The following THSD7B variants were observed in gnomAD, a reference collection of about 807,000 sequenced individuals.
THSD7B encodes thrombospondin type-1 domain-containing protein 7B.
THSD7B carries 138 observed loss-of-function variants against 213.6 expected under a neutral mutation model. That is an observed-to-expected ratio of 0.65 (90% CI 0.56 to 0.74). The LOEUF (loss-of-function observed/expected upper bound fraction) is 0.74, where lower values mean the gene tolerates loss of function less well. Among genes scored for constraint, THSD7B ranks in the 30% least tolerant of loss-of-function variants. The pLI is 0.00. For synonymous variants in THSD7B, 742 were observed against 687.0 expected (o/e 1.08, Z -1.25); for missense variants, 1,931 against 1,991.5 (o/e 0.97, Z 0.58).
At chr2:136,947,738 C>T (rs1684969343) in intron 2 of THSD7B, among the ~76,000 whole-genome samples, 1 of 152,116 alleles carries the variant, frequency 6.6e-6, no homozygotes, top group South Asian at 2.1e-4. Flanking sequence ...CAGATTAATT[C>T]CTTTAGATTA....
chr2:137,598,885 T>TA (rs200483268), intron 17 of THSD7B, among the ~76,000 whole-genome samples: 8,698 of 151,438 alleles, frequency 0.057, 337 homozygotes, highest in South Asian at 0.16. Context: ...TTCTTTTTTT[T>TA]TTTTATTATT....
In THSD7B at chr2:137,657,123, T is replaced by C; in HGVS notation, c.4338T>C (p.Thr1446=). 6.2e-7 allele frequency: 1 copy of C among 1,613,996 alleles called. No homozygotes were observed. The highest frequency in any genetic ancestry group is 8.5e-7 in the Non-Finnish European group (1 of 1,179,874). The change falls in exon 24 of 28, where the codon ACT becomes ACC. Residue 1446 remains threonine, a synonymous_variant. Coordinates refer to ENST00000409968, the MANE Select transcript of THSD7B (RefSeq NM_001316349.2). ...GTCTTTGGAACAATAACGAACGAAC[T>C]GTATGGTGCCAGCGTTCAGATGGCG... ...KASLWNNNER[T]VWCQRSDGVN...
intron 18 of THSD7B, among the ~76,000 whole-genome samples, chr2:137,617,977 A>G (rs1314816683): frequency 1.3e-5 from 2 of 152,186 alleles, no homozygotes; most frequent in African/African-American, 2.4e-5. Flanking sequence ...ATTTAAATAT[A>G]TGAATTTTGC....
At chr2:137,314,073 G>T (rs1684009109) in intron 12 of THSD7B, among the ~76,000 whole-genome samples, 1 of 152,142 alleles carries the variant, frequency 6.6e-6, no homozygotes, top group Non-Finnish European at 1.5e-5. Flanking sequence ...GATTGGGGAA[G>T]TTCTCCTGGA....
At chr2:137,088,166 G>A (rs774632547) in intron 3 of THSD7B, among the ~76,000 whole-genome samples, 1 of 152,032 alleles carries the variant, frequency 6.6e-6, no homozygotes, top group Non-Finnish European at 1.5e-5. Context: ...CTTGAACCCA[G>A]GAGGTGGAGG....
intron 9 of THSD7B, among the ~76,000 whole-genome samples, chr2:137,238,935 GATAGTTA>G (rs952160059): frequency 4.7e-5 from 7 of 149,912 alleles, no homozygotes; most frequent in African/African-American, 1.8e-4. Flanking sequence ...ATGTATTAAA[GATAGTTA>G]ATAATAATAA....
intron 4 of THSD7B, among the ~76,000 whole-genome samples, chr2:137,108,044 T>G (rs1283529180): frequency 6.6e-6 from 1 of 152,194 alleles, no homozygotes; most frequent in Non-Finnish European, 1.5e-5. Context: ...ACACTGATTT[T>G]TAATATACAC....
chr2:137,565,217 T>C (rs1192955971), intron 16 of THSD7B, among the ~76,000 whole-genome samples: 1 of 152,154 alleles, frequency 6.6e-6, no homozygotes, highest in Non-Finnish European at 1.5e-5. Flanking sequence ...GTCTGTGGTA[T>C]TTTATTATGG....
At chr2:137,621,187 C>A (rs1255897400) in intron 20 of THSD7B, among the ~76,000 whole-genome samples, 5 of 152,126 alleles carry the variant, frequency 3.3e-5, no homozygotes, top group African/African-American at 1.2e-4. Context: ...AGAGGTTCTG[C>A]CACTTTAACA....
chr2:137,485,667 G>A (rs929954047), intron 15 of THSD7B, among the ~76,000 whole-genome samples: 9 of 152,224 alleles, frequency 5.9e-5, no homozygotes, highest in Admixed American at 1.3e-4. Flanking sequence ...GATACTCCTC[G>A]AGAAGTGCAC....
intron 7 of THSD7B, among the ~76,000 whole-genome samples, chr2:137,202,489 G>A (rs998888806): frequency 6.6e-6 from 1 of 152,114 alleles, no homozygotes; most frequent in Admixed American, 6.6e-5. Flanking sequence ...CACAAGCCGG[G>A]GGCATCGACT....
intron 7 of THSD7B, among the ~76,000 whole-genome samples, chr2:137,221,243 C>T (rs1192336723): frequency 1.3e-5 from 2 of 151,968 alleles, no homozygotes; most frequent in Non-Finnish European, 2.9e-5. Context: ...GCCGAGATTG[C>T]GCCACTGCAC....
intron 20 of THSD7B, among the ~76,000 whole-genome samples, chr2:137,623,626 C>A (rs1260459727): frequency 1.3e-5 from 2 of 152,158 alleles, no homozygotes; most frequent in African/African-American, 2.4e-5. Flanking sequence ...GCAACTTCAG[C>A]AAAATCTCAG....
intron 12 of THSD7B, among the ~76,000 whole-genome samples, chr2:137,317,837 T>C (rs1400737399): frequency 6.6e-6 from 1 of 152,052 alleles, no homozygotes; most frequent in East Asian, 1.9e-4. Context: ...GGCCAGAGGA[T>C]TGCTTGAGCC....
chr2:137,015,140 G>A (rs1038935483), intron 2 of THSD7B, among the ~76,000 whole-genome samples: 5 of 152,076 alleles, frequency 3.3e-5, no homozygotes, highest in Admixed American at 1.3e-4. Flanking sequence ...AGGGGGCAAC[G>A]GCTGTATGTC....
At chr2:137,539,000 TTCTC>T (rs982658497) in intron 15 of THSD7B, among the ~76,000 whole-genome samples, 8 of 151,714 alleles carry the variant, frequency 5.3e-5, no homozygotes, top group South Asian at 2.1e-4. Flanking sequence ...GTTTCTCTTT[TTCTC>T]TCTCTGTTTC....
At chr2:137,016,185 G>A (rs996270321) in intron 2 of THSD7B, among the ~76,000 whole-genome samples, 1 of 152,072 alleles carries the variant, frequency 6.6e-6, no homozygotes, top group Non-Finnish European at 1.5e-5. Flanking sequence ...CTTGGGGGGT[G>A]AGGTGGCATT....
At position 136,937,845 on chromosome 2, in the gene THSD7B, G is replaced by C. The variant is rs2105056273; in HGVS notation, c.139+55528G>C. Among the ~76,000 whole-genome samples the C allele has an allele frequency of 2.0e-5, 3 of 152,246 alleles. No homozygotes were observed. In the South Asian group the frequency reaches 6.2e-4, roughly 32 times the overall value. On this transcript the variant is annotated intron_variant, in intron 2 of 27. Coordinates refer to ENST00000409968, the MANE Select transcript of THSD7B (RefSeq NM_001316349.2). ...AGAGATTTTGAGTGGAACTGTTGAAGAAATAGTTGAGTAGAGCAGTTGCTT... is the reference window on the plus strand; with the variant it reads ...AGAGATTTTGAGTGGAACTGTTGAACAAATAGTTGAGTAGAGCAGTTGCTT...
chr2:137,477,582 G>T (rs1688219323), intron 15 of THSD7B, among the ~76,000 whole-genome samples: 1 of 151,606 alleles, frequency 6.6e-6, no homozygotes, highest in Non-Finnish European at 1.5e-5. Context: ...ATTTCTGGTA[G>T]TTTTGTTTCG....
Sources: gnomAD v4.1 joint callset for allele counts (sites outside exome capture counted in the v4.1 genomes callset) on GRCh38, gnomAD v4.1.1 for gene constraint, MANE v1.5 for transcripts, NCBI Gene and HGNC (gene_info 2026-07-23, HGNC 2026-07-21) for gene names.